KSR2: variants seen among roughly 807,000 people sequenced by gnomAD.
The protein encoded by KSR2 is kinase suppressor of ras 2.
In KSR2, 25 loss-of-function variants were observed where a neutral mutation model predicts 107.8. That is an observed-to-expected ratio of 0.23 (90% CI 0.17 to 0.32). The LOEUF is 0.32. Among genes scored for constraint, KSR2 ranks in the 10% least tolerant of loss-of-function variants. The pLI is 1.00. For synonymous variants in KSR2, 480 were observed against 507.0 expected, an observed-to-expected ratio of 0.95 and a Z score of 0.71; for missense variants, 887 against 1,268.9, an observed-to-expected ratio of 0.70 and a Z score of 4.57.
At chr12:117,782,703 G>T (rs1889927791) in intron 3 of KSR2, among the ~76,000 whole-genome samples, 1 of 152,098 alleles carries the variant, frequency 6.6e-6, no homozygotes, top group Admixed American at 6.6e-5. Context: ...AGATTCTAGG[G>T]GTCTGTGTTT....
chr12:117,805,631 G>T (rs1890982305), intron 3 of KSR2, among the ~76,000 whole-genome samples: 1 of 152,196 alleles, frequency 6.6e-6, no homozygotes, highest in African/African-American at 2.4e-5. Context: ...TTTAGACCCT[G>T]GCTAAGTGTG....
At chr12:117,817,383 A>G (rs524561) in intron 3 of KSR2, among the ~76,000 whole-genome samples, 149,974 of 152,152 alleles carry the variant, frequency 0.99, 73,923 homozygotes, top group East Asian at 1. Flanking sequence ...ACCGCCCCCC[A>G]CCCACACCGA....
intron 1 of KSR2, among the ~76,000 whole-genome samples, chr12:117,867,348 T>C (rs77016615): frequency 2.0e-5 from 3 of 151,942 alleles, no homozygotes; most frequent in Non-Finnish European, 4.4e-5. Flanking sequence ...CCTAAACACA[T>C]GCAGGACCCC....
At chr12:117,834,260 G>C (rs1054188421) in intron 3 of KSR2, among the ~76,000 whole-genome samples, 1 of 152,016 alleles carries the variant, frequency 6.6e-6, no homozygotes, top group Non-Finnish European at 1.5e-5. Context: ...TCCACCCTCT[G>C]GTCAGTGGTA....
chr12:117,572,383 G>A lies in KSR2; in HGVS notation c.1325+6736C>T, dbSNP rs555219524. On this transcript the variant is annotated intron_variant, in intron 7 of 19. Coordinates refer to ENST00000339824, the MANE Select transcript of KSR2 (RefSeq NM_173598.6). ...GCCTTATGCTCAGAGCCTGGTCCAG[G>A]AAATCTGCAGACGGGCTCAGGAAGT... Among the ~76,000 whole-genome samples, 7 of 152,268 alleles carry A rather than the reference G, an allele frequency of 4.6e-5. No individual in the cohort carries two copies. The South Asian group carries it at 1.0e-3, about 23-fold the overall frequency.
chr12:117,793,302 A>C, intron 3 of KSR2, among the ~76,000 whole-genome samples: 1 of 130,648 alleles, frequency 7.7e-6, no homozygotes, highest in African/African-American at 3.0e-5. Flanking sequence ...CCATACACAC[A>C]ACATGCACAC....
chr12:117,818,384 G>A (rs1029053244), intron 3 of KSR2, among the ~76,000 whole-genome samples: 2 of 152,106 alleles, frequency 1.3e-5, no homozygotes, highest in African/African-American at 4.8e-5. Context: ...TGTGCCCTAG[G>A]GCACATGGCT....
chr12:117,494,955 G>T (rs938008380), intron 14 of KSR2, among the ~76,000 whole-genome samples: 1 of 152,364 alleles, frequency 6.6e-6, no homozygotes, highest in Admixed American at 6.5e-5. Flanking sequence ...GAGTAACACG[G>T]CAAAGGCCAT....
chr12:117,847,376 T>C (rs572906103), intron 3 of KSR2, among the ~76,000 whole-genome samples: 49 of 152,244 alleles, frequency 3.2e-4, no homozygotes, highest in African/African-American at 1.2e-3. Context: ...GCATCCTGTT[T>C]TTCTCCTGAC....
At chr12:117,760,488 T>C (rs1396378709) in intron 4 of KSR2, among the ~76,000 whole-genome samples, 1 of 152,276 alleles carries the variant, frequency 6.6e-6, no homozygotes, top group Non-Finnish European at 1.5e-5. Context: ...TTGAATGATG[T>C]ATTATGATCA....
intron 1 of KSR2, among the ~76,000 whole-genome samples, chr12:117,864,365 G>A (rs974997585): frequency 3.9e-5 from 6 of 152,170 alleles, no homozygotes; most frequent in Admixed American, 3.3e-4. Context: ...ATTGGTTTGG[G>A]AAGAGTTACC....
At chr12:117,868,438 TAAAAAGA>T (rs1217407959) in intron 1 of KSR2, among the ~76,000 whole-genome samples, 2 of 150,704 alleles carry the variant, frequency 1.3e-5, no homozygotes, top group Non-Finnish European at 3.0e-5. Flanking sequence ...AAAAAAAAAT[TAAAAAGA>T]AAAAACAATA....
chr12:117,966,933 A>C (rs1221731348), intron 1 of KSR2, among the ~76,000 whole-genome samples: 1 of 152,140 alleles, frequency 6.6e-6, no homozygotes, highest in African/African-American at 2.4e-5. Context: ...ACTCCACCAC[A>C]GAGGGAACCC....
Position 117,937,689 on chromosome 12 carries a change from T to G in KSR2, c.180+30387A>C, listed in dbSNP as rs866995610. Among the ~76,000 whole-genome samples the G allele has an allele frequency of 2.0e-5, 3 of 151,732 alleles. No homozygotes were observed. In the South Asian group the frequency reaches 6.2e-4, roughly 32 times the overall value. ...CCAGATGAGCCTGAGCCAGGCACAGTGGCTCACCCCTGTAATCCCAGCACT... is the reference window on the plus strand; with the variant it reads ...CCAGATGAGCCTGAGCCAGGCACAGGGGCTCACCCCTGTAATCCCAGCACT... On this transcript the variant is annotated intron_variant, in intron 1 of 19. Coordinates refer to ENST00000339824, the MANE Select transcript of KSR2 (RefSeq NM_173598.6).
At chr12:117,719,224 C>T (rs1334756994) in intron 4 of KSR2, among the ~76,000 whole-genome samples, 1 of 152,130 alleles carries the variant, frequency 6.6e-6, no homozygotes, top group Non-Finnish European at 1.5e-5. Flanking sequence ...CTTTCCCCCC[C>T]TCCACCCCAG....
Position 117,907,880 on chromosome 12 carries a change from C to G in KSR2, c.181-47449G>C, listed in dbSNP as rs1473037094. Among the ~76,000 whole-genome samples, 2 of 151,498 alleles carry G rather than the reference C, an allele frequency of 1.3e-5. No homozygotes were observed. The highest frequency in any genetic ancestry group is 2.9e-5 in the Non-Finnish European group (2 of 67,970). Reference sequence around the variant, plus strand: ...GCTGCCAATTTACTGAAAAGGTATTCAAAATAATCACACTGCTTGTCTTAT... The same window carrying G: ...GCTGCCAATTTACTGAAAAGGTATTGAAAATAATCACACTGCTTGTCTTAT... On this transcript the variant is annotated intron_variant, in intron 1 of 19. Transcript: ENST00000339824. The surrounding 1 kb of genome is among the most constrained non-coding windows in gnomAD (Gnocchi z 4.3).
chr12:117,778,111 A>G (rs1889758183), intron 3 of KSR2, among the ~76,000 whole-genome samples: 1 of 152,200 alleles, frequency 6.6e-6, no homozygotes, highest in Non-Finnish European at 1.5e-5. Context: ...TTGTGGAATG[A>G]AACAATTCTT....
intron 1 of KSR2, among the ~76,000 whole-genome samples, chr12:117,869,966 A>T (rs2137280106): frequency 6.6e-6 from 1 of 152,374 alleles, no homozygotes; most frequent in Admixed American, 6.5e-5. Flanking sequence ...TTCTACAAAC[A>T]GGAAGACTGA....
At chr12:117,822,466 T>G (rs868131546) in intron 3 of KSR2, among the ~76,000 whole-genome samples, 1 of 151,974 alleles carries the variant, frequency 6.6e-6, no homozygotes, top group Non-Finnish European at 1.5e-5. Flanking sequence ...GAAAAACAAA[T>G]CATAAGTTGA....
Sources: allele counts gnomAD v4.1 joint callset (sites outside exome capture counted in the v4.1 genomes callset), GRCh38; gene constraint gnomAD v4.1.1; non-coding constraint Gnocchi (gnomAD v3.1); transcripts MANE v1.5; gene names NCBI Gene and HGNC (gene_info 2026-07-23, HGNC 2026-07-21).